Variants in INPP4B observed in about 807,000 individuals in gnomAD.
The protein encoded by INPP4B is inositol polyphosphate 4-phosphatase type II.
In INPP4B, 55 loss-of-function variants were observed where a neutral mutation model predicts 122.5. The ratio of observed to expected loss-of-function variants is 0.45; its 90% CI spans 0.36 to 0.56. INPP4B has a LOEUF of 0.56. Ranked by LOEUF, INPP4B falls within the 20% of genes least tolerant of loss-of-function variation. The pLI is 0.00. For synonymous variants in INPP4B, 403 were observed against 388.7 expected, an observed-to-expected ratio of 1.04 and a Z score of -0.43; for missense variants, 1,000 against 1,097.7, an observed-to-expected ratio of 0.91 and a Z score of 1.26.
At position 142,622,553 on chromosome 4, in the gene INPP4B, C is replaced by T. The variant is rs1344310030; in HGVS notation, c.-191+103286G>A. On this transcript the variant is annotated intron_variant, in intron 2 of 25. Coordinates refer to ENST00000262992, the MANE Select transcript of INPP4B (RefSeq NM_001101669.3). ...TTAATGCAAGAAGAGACAATGAGAC[C>T]GCCTGAGTGGAGAAGGAGAAAAAAA... Among the ~76,000 whole-genome samples, 7 of 151,794 alleles carry T rather than the reference C, an allele frequency of 4.6e-5. 1 individual carries two copies. The highest frequency in any genetic ancestry group is 1.0e-4 in the Non-Finnish European group (7 of 67,930).
intron 2 of INPP4B, among the ~76,000 whole-genome samples, chr4:142,651,116 GACT>G (rs780191721): frequency 7.7e-4 from 117 of 152,246 alleles, no homozygotes; most frequent in Non-Finnish European, 1.7e-3. Context: ...GCTCCTAAAT[GACT>G]ACTGAGTAAA....
At chr4:142,708,104 A>G (rs144907584) in intron 2 of INPP4B, among the ~76,000 whole-genome samples, 6 of 152,304 alleles carry the variant, frequency 3.9e-5, no homozygotes, top group African/African-American at 1.2e-4. Context: ...TGAACTTCAG[A>G]GTGATGGTTT....
intron 23 of INPP4B, 118 bp from the exon 24 acceptor site, chr4:142,086,374 T>A: frequency 1.6e-6 from 1 of 635,610 alleles, no homozygotes; most frequent in Non-Finnish European, 2.8e-6. Context: ...AGGCAGGGTC[T>A]TGCTCTGCCT....
chr4:142,370,041 A>G (rs917809835), intron 7 of INPP4B, among the ~76,000 whole-genome samples: 1 of 152,114 alleles, frequency 6.6e-6, no homozygotes, highest in African/African-American at 2.4e-5. Context: ...ATCGTAGACC[A>G]ATTGTAGTAA....
intron 12 of INPP4B, among the ~76,000 whole-genome samples, chr4:142,212,522 G>T (rs1320433082): frequency 6.6e-6 from 1 of 152,126 alleles, no homozygotes; most frequent in East Asian, 1.9e-4. Context: ...AGTTTCAGAC[G>T]TATTTTTCCT....
rs778260825 is a variant in INPP4B, at chr4:142,234,788, G to T, written c.836+3076C>A. ...AGTTTCTAATTTTATCTCTGGCAAT[G>T]GAACTTCATATTGGGAGGCAGTGTT... On this transcript the variant is annotated intron_variant, in intron 12 of 25. Transcript: ENST00000262992. Among the ~76,000 whole-genome samples, 36 of 152,122 alleles carry T rather than the reference G, an allele frequency of 2.4e-4. 1 individual carries two copies. The highest frequency in any genetic ancestry group is 3.9e-4 in the Admixed American group (6 of 15,268).
At chr4:142,833,616 C>A (rs973694597) in intron 1 of INPP4B, among the ~76,000 whole-genome samples, 1 of 151,738 alleles carries the variant, frequency 6.6e-6, no homozygotes, top group Non-Finnish European at 1.5e-5. Context: ...AAAAAAGACT[C>A]AGATAGAATA....
intron 2 of INPP4B, among the ~76,000 whole-genome samples, chr4:142,490,083 C>CT (rs201797906): frequency 8.6e-5 from 13 of 150,448 alleles, no homozygotes; most frequent in Admixed American, 3.3e-4. Context: ...ATTTTCTTTC[C>CT]TTTTTTTTTG....
At chr4:142,641,100 A>C (rs1046284892) in intron 2 of INPP4B, among the ~76,000 whole-genome samples, 2 of 152,124 alleles carry the variant, frequency 1.3e-5, no homozygotes, top group Non-Finnish European at 2.9e-5. Context: ...ATGCACATAC[A>C]CGAGCCCCAA....
chr4:142,044,102 G>A (rs901491129), intron 25 of INPP4B, among the ~76,000 whole-genome samples: 1 of 151,886 alleles, frequency 6.6e-6, no homozygotes, highest in Non-Finnish European at 1.5e-5. Flanking sequence ...AATTTAAAAA[G>A]TTATTTTCAG....
chr4:142,429,024 A>AAC (rs138469474), intron 5 of INPP4B, 149 bp downstream of exon 5: 6,363 of 545,508 alleles, frequency 0.012, 351 homozygotes, highest in African/African-American at 0.11. Flanking sequence ...TGGAGAAAAT[A>AAC]ACACCTACCT....
At chr4:142,683,202 C>T (rs78146912) in intron 2 of INPP4B, among the ~76,000 whole-genome samples, 3,836 of 151,996 alleles carry the variant, frequency 0.025, 60 homozygotes, top group Middle Eastern at 0.092. Context: ...CTTTTCTCAA[C>T]GTGCTTTGTT....
intron 2 of INPP4B, among the ~76,000 whole-genome samples, chr4:142,489,111 C>T (rs1821545595): frequency 6.6e-6 from 1 of 151,964 alleles, no homozygotes; most frequent in Admixed American, 6.6e-5. Flanking sequence ...CTTCTTTGAC[C>T]CACAAATTAT....
intron 8 of INPP4B, among the ~76,000 whole-genome samples, chr4:142,310,265 A>G (rs1002389172): frequency 1.3e-5 from 2 of 152,312 alleles, no homozygotes; most frequent in Non-Finnish European, 2.9e-5. Flanking sequence ...TACACTCAGT[A>G]TAAAATGCAC....
At chr4:142,787,132 C>G (rs1018958799) in intron 1 of INPP4B, among the ~76,000 whole-genome samples, 14 of 152,134 alleles carry the variant, frequency 9.2e-5, no homozygotes, top group African/African-American at 3.4e-4. Flanking sequence ...AAATCTGAAA[C>G]AGTTCTAAAA....
intron 2 of INPP4B, among the ~76,000 whole-genome samples, chr4:142,583,029 A>T (rs1735422830): frequency 6.6e-6 from 1 of 152,096 alleles, no homozygotes; most frequent in African/African-American, 2.4e-5. Context: ...TCTCACCTTT[A>T]CTAGTTTATT....
At chr4:142,417,088 C>T (rs572893530) in intron 5 of INPP4B, among the ~76,000 whole-genome samples, 59 of 152,170 alleles carry the variant, frequency 3.9e-4, no homozygotes, top group Non-Finnish European at 6.8e-4. Flanking sequence ...AAAGAGCATA[C>T]TTCTCAGAAT....
intron 2 of INPP4B, among the ~76,000 whole-genome samples, chr4:142,657,404 G>GGA (rs1188543922): frequency 6.6e-6 from 1 of 152,130 alleles, no homozygotes; most frequent in African/African-American, 2.4e-5. Context: ...TGGACATATG[G>GGA]AACTAATCAC....
chr4:142,067,376 C>T (rs368247026), intron 25 of INPP4B, among the ~76,000 whole-genome samples: 2 of 152,162 alleles, frequency 1.3e-5, no homozygotes, highest in South Asian at 4.1e-4. Context: ...TGGGGATAAA[C>T]CAGAGCAGAA....
Sources: allele counts gnomAD v4.1 joint callset (sites outside exome capture counted in the v4.1 genomes callset), GRCh38; gene constraint gnomAD v4.1.1; transcripts MANE v1.5; gene names NCBI Gene and HGNC (gene_info 2026-07-23, HGNC 2026-07-21).